The following AGPAT3 variants were observed in gnomAD, a reference collection of about 807,000 sequenced individuals.
The protein encoded by AGPAT3 is 1-acyl-sn-glycerol-3-phosphate acyltransferase gamma.
AGPAT3 carries 5 observed loss-of-function variants against 47.3 expected under a neutral mutation model. The observed-to-expected ratio is 0.11, with a 90% confidence interval of 0.06 to 0.22. AGPAT3 has a LOEUF of 0.22. Among genes scored for constraint, AGPAT3 ranks in the 10% least tolerant of loss-of-function variants. The pLI, the probability that AGPAT3 is intolerant of heterozygous loss-of-function variation, is 1.00. For synonymous variants in AGPAT3, 212 were observed against 208.3 expected (o/e 1.02, Z -0.15); for missense variants, 315 against 493.0 (o/e 0.64, Z 3.42).
Position 43,981,457 on chromosome 21 carries a change from ACGAGAGGGTCCC to A in AGPAT3, c.1042+284_1042+295del, listed in dbSNP as rs1356565421. 11 of 532,466 alleles carry A rather than the reference ACGAGAGGGTCCC, an allele frequency of 2.1e-5. No homozygotes were observed. The highest frequency in any genetic ancestry group is 3.4e-5 in the Non-Finnish European group (10 of 295,298). 33.0% of individuals were successfully genotyped at this position (532,466 alleles called of 1,614,324 possible). ...CTGGCTGGCGCCCTTGAGGATGCCGACGAGAGGGTCCCCGAGAGGGTCCCCAGCCCCCCTGTC... is the reference window on the plus strand; with the variant it reads ...CTGGCTGGCGCCCTTGAGGATGCCGACGAGAGGGTCCCCAGCCCCCCTGTC... On this transcript the variant is annotated intron_variant, in intron 9 of 9. Coordinates refer to ENST00000291572, the MANE Select transcript of AGPAT3 (RefSeq NM_020132.5). The surrounding 1 kb of genome is among the most constrained non-coding windows in gnomAD (Gnocchi z 5.3).
chr21:43,912,908 T>C lies in AGPAT3; in HGVS notation c.-49+8889T>C, dbSNP rs780848657. Among the ~76,000 whole-genome samples, 5 of 152,222 alleles carry C rather than the reference T, an allele frequency of 3.3e-5. 1 individual carries two copies. The highest frequency in any genetic ancestry group is 7.3e-5 in the Non-Finnish European group (5 of 68,044). On this transcript the variant is annotated intron_variant, in intron 2 of 9. Transcript: ENST00000291572. ...CTGACGGTTGCTGCGGTGCCTCCGG[T>C]GTTTGCCCAGCGAGTGAAATGCTGA...
intron 2 of AGPAT3, among the ~76,000 whole-genome samples, chr21:43,917,751 T>C (rs565727815): frequency 5.3e-5 from 8 of 151,580 alleles, no homozygotes; most frequent in African/African-American, 1.7e-4. Context: ...CGAGTTGGCA[T>C]CTTCCCCGGC....
rs2087556402 is a variant in AGPAT3 at position 43,939,126 on chromosome 21, C to T, written c.-48-20508C>T. On this transcript the variant is annotated intron_variant, in intron 2 of 9. Coordinates refer to ENST00000291572, the MANE Select transcript of AGPAT3 (RefSeq NM_020132.5). This position sits in a 1 kb window ranked among gnomAD's most constrained non-coding sequence, Gnocchi z 4.4. ...GGGCAAACCCTGCTGGGGACAGGTT[C>T]GTTGTGTCTGATGCCGTGGGAGATG... 6.6e-6 allele frequency among the ~76,000 whole-genome samples: 1 copy of T among 152,162 alleles called. No homozygotes were observed. The highest frequency in any genetic ancestry group is 1.5e-5 in the Non-Finnish European group (1 of 68,018).
intron 3 of AGPAT3, among the ~76,000 whole-genome samples, chr21:43,960,293 CAT>C (rs1446784069): frequency 3.3e-5 from 5 of 152,332 alleles, no homozygotes; most frequent in Admixed American, 2.6e-4. Flanking sequence ...GTATCAAACA[CAT>C]GTGTAGCTGT....
chr21:43,956,981 G>A (rs375034773), intron 2 of AGPAT3, among the ~76,000 whole-genome samples: 2 of 152,170 alleles, frequency 1.3e-5, no homozygotes, highest in Admixed American at 6.5e-5. Context: ...TCCACCTTTC[G>A]AGGGGAGGAG....
In AGPAT3 at chr21:43,889,046, A is replaced by G. The variant is rs2086044101; in HGVS notation, c.-111-14911A>G. The stretch of plus-strand genomic sequence containing the variant: ...AAATCTTATCTGTACATTATTTCAG[A>G]TTTTTAAACATTTATTTCTTTAACT... On this transcript the variant is annotated intron_variant, in intron 1 of 9. Transcript: ENST00000291572. 3.3e-5 allele frequency among the ~76,000 whole-genome samples: 5 copies of G among 152,050 alleles called. No individual in the cohort carries two copies. The East Asian group carries it at 9.6e-4, about 29-fold the overall frequency.
At chr21:43,906,288 G>A (rs2086491531) in intron 2 of AGPAT3, among the ~76,000 whole-genome samples, 2 of 152,056 alleles carry the variant, frequency 1.3e-5, no homozygotes, top group South Asian at 4.2e-4. Flanking sequence ...GGAGGGAGGA[G>A]AGGTTGCAAA....
chr21:43,952,555 C>T lies in AGPAT3; in HGVS notation c.-48-7079C>T, dbSNP rs961398914. ...CCCCTGATCTAAGAAGGTGCACACCCCGGTAGCTTGTGCAGGGGCCAGGAC... is the reference window on the plus strand; with the variant it reads ...CCCCTGATCTAAGAAGGTGCACACCTCGGTAGCTTGTGCAGGGGCCAGGAC... On this transcript the variant is annotated intron_variant, in intron 2 of 9. Coordinates refer to ENST00000291572, the MANE Select transcript of AGPAT3 (RefSeq NM_020132.5). The surrounding 1 kb of genome is among the most constrained non-coding windows in gnomAD (Gnocchi z 5.6). Among the ~76,000 whole-genome samples, 4 of 152,148 alleles carry T rather than the reference C, an allele frequency of 2.6e-5. No homozygotes were observed. Among genetic ancestry groups the T allele is most frequent in the African/African-American group, 9.7e-5 (4 of 41,436 alleles).
intron 3 of AGPAT3, chr21:43,967,009 C>T (rs894376369): frequency 3.9e-5 from 6 of 152,318 alleles, no homozygotes; most frequent in Non-Finnish European, 7.3e-5. Context: ...ATGCACCGTT[C>T]TCACCACGGA....
In AGPAT3 at chr21:43,970,050, C is replaced by A. The variant is rs571425249; in HGVS notation, c.511-603C>A. Among the ~76,000 whole-genome samples, 11 of 152,050 alleles carry A rather than the reference C, an allele frequency of 7.2e-5. No homozygotes were observed. The highest frequency in any genetic ancestry group is 2.7e-4 in the African/African-American group (11 of 41,458). The stretch of plus-strand genomic sequence containing the variant: ...TTGAGACAGAGCCTTAGTCTGTCAC[C>A]CAGGCTAGAGTGCAGTGGCATGATC... On this transcript the variant is annotated intron_variant, in intron 5 of 9. Coordinates refer to ENST00000291572, the MANE Select transcript of AGPAT3 (RefSeq NM_020132.5). This position sits in a 1 kb window ranked among gnomAD's most constrained non-coding sequence, Gnocchi z 5.8.
chr21:43,912,244 C>T (rs1458844700), intron 2 of AGPAT3, among the ~76,000 whole-genome samples: 5 of 152,364 alleles, frequency 3.3e-5, no homozygotes, highest in African/African-American at 9.6e-5. Flanking sequence ...AGGACGATGC[C>T]GGGGCCATGG....
At chr21:43,928,406 A>C (rs530591521) in intron 2 of AGPAT3, among the ~76,000 whole-genome samples, 1 of 152,220 alleles carries the variant, frequency 6.6e-6, no homozygotes, top group East Asian at 1.9e-4. Context: ...CCACCCCGTC[A>C]CCCCGAGGGA....
At chr21:43,977,809 T>G (rs1376201114) in intron 7 of AGPAT3, among the ~76,000 whole-genome samples, 1 of 151,008 alleles carries the variant, frequency 6.6e-6, no homozygotes, top group Non-Finnish European at 1.5e-5. Context: ...ATCACTTGAA[T>G]CCGGGAGGCA....
At position 43,985,385 on chromosome 21, in the gene AGPAT3, C is replaced by T; in HGVS notation, c.*2993C>T. The T allele has an allele frequency of 3.1e-6, 1 of 320,182 alleles. No homozygotes were observed. The highest frequency in any genetic ancestry group is 8.7e-5 in the East Asian group (1 of 11,484). The allele number at this position is 320,182 out of a possible 1,614,324, so 19.8% of individuals were successfully genotyped here. A position where few individuals can be genotyped will look rare whatever the true frequency, so the allele number is the denominator to read the frequency against. On this transcript the variant is annotated 3_prime_UTR_variant, in exon 10 of 10. Coordinates refer to ENST00000291572, the MANE Select transcript of AGPAT3 (RefSeq NM_020132.5). ...TAACACAAAACAACAATGTAAGCAG[C>T]ACTTTCTTGTGTAAAAAAAAAAAAA...
chr21:43,879,313 G>A (rs1377293920), intron 1 of AGPAT3, among the ~76,000 whole-genome samples: 6 of 129,838 alleles, frequency 4.6e-5, no homozygotes, highest in Admixed American at 3.8e-4. Flanking sequence ...TTGTGCCACT[G>A]CACTCCAGCC....
At chr21:43,965,616 G>C (rs1008501230) in intron 3 of AGPAT3, 9 of 148,842 alleles carry the variant, frequency 6.0e-5, no homozygotes, top group African/African-American at 2.4e-4. Flanking sequence ...TTTTTTTGTT[G>C]TTGTTGTTGT....
chr21:43,971,640 C>G, intron 7 of AGPAT3, 150 bp downstream of exon 7: 1 of 710,348 alleles, frequency 1.4e-6, no homozygotes, highest in Non-Finnish European at 2.4e-6. Context: ...GCAGCCCTGC[C>G]CTGCTGAGCA....
chr21:43,882,902 A>G (rs2123596508), intron 1 of AGPAT3, among the ~76,000 whole-genome samples: 1 of 152,290 alleles, frequency 6.6e-6, no homozygotes, highest in East Asian at 1.9e-4. Context: ...AGCAGTGTCC[A>G]GTGTCATAGC....
intron 2 of AGPAT3, chr21:43,916,526 T>C (rs1351649866): frequency 6.6e-6 from 1 of 151,446 alleles, no homozygotes; most frequent in Admixed American, 6.6e-5. Flanking sequence ...TATTGTCTAA[T>C]ATCAAGATAT....
Sources: allele counts gnomAD v4.1 joint callset (sites outside exome capture counted in the v4.1 genomes callset), GRCh38; gene constraint gnomAD v4.1.1; non-coding constraint Gnocchi (gnomAD v3.1); transcripts MANE v1.5; gene names NCBI Gene and HGNC (gene_info 2026-07-23, HGNC 2026-07-21).